The following MBNL3 variants were observed in gnomAD, a reference collection of about 807,000 sequenced individuals.
MBNL3 encodes muscleblind-like protein 3.
In MBNL3, 6 loss-of-function variants were observed where a neutral mutation model predicts 24.5. The ratio of observed to expected loss-of-function variants is 0.25; its 90% CI spans 0.13 to 0.48. The LOEUF (loss-of-function observed/expected upper bound fraction) is 0.48. Among genes scored for constraint, MBNL3 ranks in the 20% least tolerant of loss-of-function variants. MBNL3 has a pLI of 0.99. For missense variants in MBNL3, 230 were observed against 293.5 expected, an observed-to-expected ratio of 0.78 and a Z score of 1.58; for synonymous variants, 100 against 101.7, an observed-to-expected ratio of 0.98 and a Z score of 0.10.
upstream of MBNL3, chrX:132,489,780 C>G (rs1376759196): frequency 9.1e-6 from 1 of 109,609 alleles, no homozygotes; most frequent in Non-Finnish European, 1.9e-5. Flanking sequence ...CCGCCCCGCC[C>G]GGCCAGGTAG....
At position 132,379,131 on chromosome X, in the gene MBNL3, AAAC is replaced by A. The variant is rs1351733548; in HGVS notation, c.*532_*534del. Reference sequence around the variant, plus strand: ...CACTAATAACACTTTAGTTGAAATCAAACACCACACATATACAGCAAAACACTA... The same window carrying A: ...CACTAATAACACTTTAGTTGAAATCAACCACACATATACAGCAAAACACTA... On this transcript the variant is annotated 3_prime_UTR_variant, in exon 9 of 9. Transcript: ENST00000370853. 3 of 112,660 alleles carry A rather than the reference AAAC, an allele frequency of 2.7e-5. No homozygotes were observed. Among genetic ancestry groups the A allele is most frequent in the African/African-American group, 9.7e-5 (3 of 30,938 alleles). The allele number at this position is 112,660 out of a possible 1,213,427, so 9.3% of individuals were successfully genotyped here. A position where few individuals can be genotyped will look rare whatever the true frequency, so the allele number is the denominator to read the frequency against.
intron 1 of MBNL3, among the ~76,000 whole-genome samples, chrX:132,455,387 A>G (rs1239529862): frequency 1.8e-5 from 2 of 112,117 alleles, no homozygotes; most frequent in African/African-American, 6.5e-5. Context: ...TTTGCAAGGC[A>G]TGCGATTTAA....
rs992209744 is a variant in MBNL3 at position 132,378,202 on chromosome X, A to T, written c.*1464T>A. On this transcript the variant is annotated 3_prime_UTR_variant, in exon 9 of 9. Transcript: ENST00000370853. Reference sequence around the variant, plus strand: ...GTTTGGGCAGGGGGACACTTGCCATATATCACAGGTGCTTTCTCCTTCACT... The same window carrying T: ...GTTTGGGCAGGGGGACACTTGCCATTTATCACAGGTGCTTTCTCCTTCACT... 5 of 111,769 alleles carry T rather than the reference A, an allele frequency of 4.5e-5. No individual in the cohort carries two copies. The highest frequency in any genetic ancestry group is 2.9e-4 in the Admixed American group (3 of 10,499). The allele number at this position is 111,769 out of a possible 1,213,427, so 9.2% of individuals were successfully genotyped here. A position where few individuals can be genotyped will look rare whatever the true frequency, so the allele number is the denominator to read the frequency against.
In MBNL3 at chrX:132,426,679, A is replaced by G. The variant is rs989116450; in HGVS notation, c.177+12756T>C. Among the ~76,000 whole-genome samples the G allele has an allele frequency of 2.7e-5, 3 of 111,475 alleles. No homozygotes were observed. The Admixed American group carries it at 2.9e-4, about 11-fold the overall frequency. On this transcript the variant is annotated intron_variant, in intron 2 of 8. Coordinates refer to ENST00000370853, the MANE Select transcript of MBNL3 (RefSeq NM_001386889.1). ...GTGTCTCTGCCATGACTCCATCTTC[A>G]ACCACCACTGCTGAATATAATCCCA...
intron 1 of MBNL3, among the ~76,000 whole-genome samples, chrX:132,445,463 A>G (rs1055019648): frequency 9.0e-6 from 1 of 111,585 alleles, no homozygotes; most frequent in African/African-American, 3.3e-5. Context: ...GTCGTAAAAA[A>G]TAAGGATATT....
At chrX:132,446,308 C>A (rs1336871671) in intron 1 of MBNL3, among the ~76,000 whole-genome samples, 1 of 111,713 alleles carries the variant, frequency 9.0e-6, no homozygotes. Flanking sequence ...TGGGTATATA[C>A]CTAGTAATGG....
intron 5 of MBNL3, among the ~76,000 whole-genome samples, chrX:132,387,058 A>C (rs1020188933): frequency 1.8e-5 from 2 of 109,598 alleles, no homozygotes; most frequent in Admixed American, 9.8e-5. Context: ...AGATTGTTTG[A>C]GCTTAGGAGT....
chrX:132,460,189 G>C (rs778636938), intron 1 of MBNL3, among the ~76,000 whole-genome samples: 1 of 111,627 alleles, frequency 9.0e-6, no homozygotes, highest in African/African-American at 3.2e-5. Flanking sequence ...GCTTCAAGAT[G>C]GCACAAACAG....
intron 1 of MBNL3, among the ~76,000 whole-genome samples, chrX:132,474,737 T>C (rs1328257148): frequency 8.9e-6 from 1 of 111,951 alleles, no homozygotes; most frequent in Non-Finnish European, 1.9e-5. Flanking sequence ...ATCTCTATCC[T>C]AATAAGAAAA....
At chrX:132,440,612 C>T (rs934339623) in intron 1 of MBNL3, among the ~76,000 whole-genome samples, 1 of 107,518 alleles carries the variant, frequency 9.3e-6, no homozygotes, top group African/African-American at 3.4e-5. Flanking sequence ...AGAAAAAAGT[C>T]ATCTGAAAAG....
In MBNL3 at chrX:132,384,525, C is replaced by A; in HGVS notation, c.958+138G>T. ...ATTTTGATGCTACAAAGACATAAAA[C>A]AGAAAGCACCATGTTAAACCTTAAC... is the stretch of plus-strand genomic sequence containing the variant. On this transcript the variant is annotated intron_variant, in intron 7 of 8. Transcript: ENST00000370853. The A allele has an allele frequency of 7.8e-6, 4 of 512,376 alleles. No individual in the cohort carries two copies. The South Asian group carries it at 1.5e-4, about 19-fold the overall frequency. 42.2% of individuals were successfully genotyped at this position (512,376 alleles called of 1,213,427 possible).
intron 1 of MBNL3, among the ~76,000 whole-genome samples, chrX:132,449,985 C>A (rs973450356): frequency 1.7e-4 from 11 of 66,279 alleles, no homozygotes; most frequent in East Asian, 6.7e-4. Context: ...TTGCCCCCCC[C>A]CCCCCCCCGC....
intron 1 of MBNL3, among the ~76,000 whole-genome samples, chrX:132,449,309 T>A (rs1215616675): frequency 5.4e-5 from 6 of 110,868 alleles, no homozygotes; most frequent in Non-Finnish European, 1.1e-4. Flanking sequence ...GCTTTATGAA[T>A]CTGGGTGCTC....
At chrX:132,429,525 C>G (rs1329862117) in intron 2 of MBNL3, among the ~76,000 whole-genome samples, 1 of 111,872 alleles carries the variant, frequency 8.9e-6, no homozygotes, top group Non-Finnish European at 1.9e-5. Flanking sequence ...GCCTTATTTT[C>G]AAAACAAGTT....
chrX:132,454,405 G>A (rs933393561), intron 1 of MBNL3, among the ~76,000 whole-genome samples: 3 of 112,053 alleles, frequency 2.7e-5, no homozygotes, highest in African/African-American at 9.7e-5. Context: ...ATATAATGTC[G>A]TAAAGGGATT....
intron 3 of MBNL3, among the ~76,000 whole-genome samples, chrX:132,401,910 C>T (rs1428714288): frequency 9.0e-6 from 1 of 111,073 alleles, no homozygotes; most frequent in African/African-American, 3.3e-5. Flanking sequence ...AACATATAAG[C>T]CTGTTTATGA....
chrX:132,378,047 T>C lies in MBNL3; in HGVS notation c.*1619A>G, dbSNP rs187030252. On this transcript the variant is annotated 3_prime_UTR_variant, in exon 9 of 9. Coordinates refer to ENST00000370853, the MANE Select transcript of MBNL3 (RefSeq NM_001386889.1). ...GAACTCAGCTGAGCTCTGTGGAGTA[T>C]AGCCACTCTGTCTCATTCAAAGGGT... The C allele has an allele frequency of 1.7e-4, 19 of 110,348 alleles. No homozygotes were observed. The highest frequency in any genetic ancestry group is 6.2e-4 in the African/African-American group (19 of 30,438). The allele number at this position is 110,348 out of a possible 1,213,427, so 9.1% of individuals were successfully genotyped here.
intron 2 of MBNL3, among the ~76,000 whole-genome samples, chrX:132,414,184 T>C (rs985455679): frequency 4.5e-5 from 5 of 112,207 alleles, no homozygotes; most frequent in South Asian, 3.7e-4. Flanking sequence ...CCAAATAATA[T>C]ATTCGAGAAA....
chrX:132,448,177 C>A (rs1945839705), intron 1 of MBNL3, among the ~76,000 whole-genome samples: 1 of 110,875 alleles, frequency 9.0e-6, no homozygotes, highest in African/African-American at 3.3e-5. Flanking sequence ...GAATATTAGT[C>A]CCTCTTTTTC....
Sources: gnomAD v4.1 joint callset for allele counts (sites outside exome capture counted in the v4.1 genomes callset) on GRCh38, gnomAD v4.1.1 for gene constraint, MANE v1.5 for transcripts, NCBI Gene and HGNC (gene_info 2026-07-23, HGNC 2026-07-21) for gene names.